MED13L: variants seen among roughly 807,000 people sequenced by gnomAD.
MED13L encodes mediator of RNA polymerase II transcription subunit 13-like.
In MED13L, 7 loss-of-function variants were observed where a neutral mutation model predicts 220.9. The ratio of observed to expected loss-of-function variants is 0.03; its 90% CI spans 0.02 to 0.06. The LOEUF (loss-of-function observed/expected upper bound fraction) is 0.06, where lower values mean the gene tolerates loss of function less well. Ranked by LOEUF, MED13L falls within the 10% of genes least tolerant of loss-of-function variation. MED13L has a pLI of 1.00. For missense variants in MED13L, 1,965 were observed against 2,760.5 expected, an observed-to-expected ratio of 0.71 and a Z score of 6.46; for synonymous variants, 1,011 against 1,015.2, an observed-to-expected ratio of 1.00 and a Z score of 0.08.
chr12:116,271,449 C>T (rs1437586230), intron 1 of MED13L, among the ~76,000 whole-genome samples: 1 of 151,892 alleles, frequency 6.6e-6, no homozygotes, highest in Admixed American at 6.6e-5. Flanking sequence ...AAAAAATTAG[C>T]CAGACATGGT....
At chr12:116,061,237 CTGTT>C (rs1173432433) in intron 4 of MED13L, among the ~76,000 whole-genome samples, 1 of 152,036 alleles carries the variant, frequency 6.6e-6, no homozygotes, top group East Asian at 1.9e-4. Context: ...TAAACATTAA[CTGTT>C]TTTTTTAATT....
intron 2 of MED13L, among the ~76,000 whole-genome samples, chr12:116,171,884 A>G (rs1281070129): frequency 6.6e-6 from 1 of 152,164 alleles, no homozygotes; most frequent in Non-Finnish European, 1.5e-5. Context: ...AATTCTGCCC[A>G]GTTTCTGACA....
chr12:116,135,344 G>C (rs1234002874), intron 2 of MED13L, among the ~76,000 whole-genome samples: 1 of 152,154 alleles, frequency 6.6e-6, no homozygotes, highest in African/African-American at 2.4e-5. Flanking sequence ...ACATGGAAAG[G>C]CTACTTGTAG....
chr12:115,977,814 T>A (rs937867217), intron 23 of MED13L, among the ~76,000 whole-genome samples: 1 of 152,020 alleles, frequency 6.6e-6, no homozygotes, highest in African/African-American at 2.4e-5. Context: ...CTGGGCAACA[T>A]AGCAAAACCC....
At chr12:116,111,232 A>C (rs928041070) in intron 3 of MED13L, among the ~76,000 whole-genome samples, 196 bp downstream of exon 3, 1 of 152,210 alleles carries the variant, frequency 6.6e-6, no homozygotes, top group East Asian at 1.9e-4. Context: ...GGAATATGGG[A>C]GTTCTTTGTA....
intron 2 of MED13L, among the ~76,000 whole-genome samples, chr12:116,134,350 T>A (rs891467498): frequency 6.6e-6 from 1 of 152,186 alleles, no homozygotes; most frequent in Non-Finnish European, 1.5e-5. Flanking sequence ...AACAAAAAGA[T>A]ACAGATTCAG....
In MED13L at chr12:116,119,620, T is replaced by C. The variant is rs998811044; in HGVS notation, c.311-8108A>G. 4.6e-5 allele frequency among the ~76,000 whole-genome samples: 7 copies of C among 151,434 alleles called. 1 individual carries two copies. The highest frequency in any genetic ancestry group is 4.2e-4 in the South Asian group (2 of 4,778). ...CACTTTGGAAGATCAAGTGGTAGGA[T>C]TGCAAGGCTCCAGCTCTTAAAAAAA... On this transcript the variant is annotated intron_variant, in intron 2 of 30. Coordinates refer to ENST00000281928, the MANE Select transcript of MED13L (RefSeq NM_015335.5).
rs568398367 is a variant in MED13L, at chr12:116,224,422, T to C, written c.310+13046A>G. On this transcript the variant is annotated intron_variant, in intron 2 of 30. Transcript: ENST00000281928. ...CGTCCTCAAGGCTCAGCCTCTCACA[T>C]AAAACTCCAGTAATACCATGGGCCC... Among the ~76,000 whole-genome samples the C allele has an allele frequency of 3.3e-5, 5 of 152,268 alleles. No individual in the cohort carries two copies. The South Asian group carries it at 1.0e-3, about 32-fold the overall frequency.
chr12:116,120,139 T>A (rs1874913440), intron 2 of MED13L, among the ~76,000 whole-genome samples: 2 of 151,984 alleles, frequency 1.3e-5, no homozygotes, highest in African/African-American at 2.4e-5. Flanking sequence ...TAAAATTTCC[T>A]CACATCTACT....
At chr12:115,996,863 C>T in intron 15 of MED13L, 147 bp downstream of exon 15, 1 of 1,020,910 alleles carries the variant, frequency 9.8e-7, no homozygotes, top group Non-Finnish European at 1.5e-6. Flanking sequence ...ATTTAATATG[C>T]CTGCTGGTGT....
At chr12:116,090,909 G>A (rs1872142924) in intron 4 of MED13L, among the ~76,000 whole-genome samples, 1 of 152,108 alleles carries the variant, frequency 6.6e-6, no homozygotes. Context: ...TGGATCACGT[G>A]AGGTCAAGAG....
chr12:116,115,108 A>G (rs1874396683), intron 2 of MED13L, among the ~76,000 whole-genome samples: 1 of 152,176 alleles, frequency 6.6e-6, no homozygotes, highest in Non-Finnish European at 1.5e-5. Flanking sequence ...CCACCAGAAC[A>G]ATGTGGTAAA....
rs565538078 is a variant in MED13L at position 116,189,840 on chromosome 12, T to C, written c.310+47628A>G. On this transcript the variant is annotated intron_variant, in intron 2 of 30. Coordinates refer to ENST00000281928, the MANE Select transcript of MED13L (RefSeq NM_015335.5). ...TTTAATTTTTGTGTACATATGGTCA[T>C]TGCTAGTATACAGAAGTTCAATTGA... is the stretch of plus-strand genomic sequence containing the variant. Among the ~76,000 whole-genome samples the C allele has an allele frequency of 4.6e-5, 7 of 152,330 alleles. No homozygotes were observed. In the South Asian group the frequency reaches 1.0e-3, roughly 23 times the overall value.
intron 18 of MED13L, 143 bp downstream of exon 18, chr12:115,986,961 GGAAAA>G (rs928712251): frequency 8.6e-5 from 75 of 874,732 alleles, no homozygotes; most frequent in Non-Finnish European, 1.3e-4. Flanking sequence ...AGTAACTTTA[GGAAAA>G]CAAAGAGATT....
chr12:116,020,535 G>A (rs1316941639), intron 5 of MED13L, among the ~76,000 whole-genome samples: 1 of 152,094 alleles, frequency 6.6e-6, no homozygotes, highest in African/African-American at 2.4e-5. Context: ...TTCTAACAGT[G>A]GGAAAGTTTT....
At chr12:116,166,450 C>T (rs1050035319) in intron 2 of MED13L, among the ~76,000 whole-genome samples, 12 of 151,898 alleles carry the variant, frequency 7.9e-5, no homozygotes, top group African/African-American at 2.4e-4. Context: ...ATTAGCCAGG[C>T]GCTGGCCCGT....
intron 2 of MED13L, among the ~76,000 whole-genome samples, chr12:116,171,946 G>A (rs975458765): frequency 5.3e-5 from 8 of 152,016 alleles, no homozygotes; most frequent in Admixed American, 1.3e-4. Context: ...ATAAATACTC[G>A]CTGTCCCTCT....
At chr12:116,054,765 T>C (rs1868809115) in intron 4 of MED13L, among the ~76,000 whole-genome samples, 1 of 152,186 alleles carries the variant, frequency 6.6e-6, no homozygotes, top group Admixed American at 6.5e-5. Flanking sequence ...GAATCTAAGT[T>C]GGTACAGCCA....
intron 2 of MED13L, among the ~76,000 whole-genome samples, chr12:116,144,071 G>A (rs1877290579): frequency 6.6e-6 from 1 of 152,086 alleles, no homozygotes; most frequent in Non-Finnish European, 1.5e-5. Context: ...TTGCCCCTGT[G>A]TTCCATACAC....
Sources: allele counts gnomAD v4.1 joint callset (sites outside exome capture counted in the v4.1 genomes callset), GRCh38; gene constraint gnomAD v4.1.1; transcripts MANE v1.5; gene names NCBI Gene and HGNC (gene_info 2026-07-23, HGNC 2026-07-21).